The following AGBL4 variants were observed in gnomAD, a reference collection of about 807,000 sequenced individuals.
The protein encoded by AGBL4 is AGBL carboxypeptidase 4.
AGBL4 carries 58 observed loss-of-function variants against 66.4 expected under a neutral mutation model. That is an observed-to-expected ratio of 0.87 (90% confidence interval 0.71 to 1.09). The LOEUF is 1.09. Among genes scored for constraint, AGBL4 ranks in the 50% least tolerant of loss-of-function variants. The pLI is 0.00. For synonymous variants in AGBL4, 234 were observed against 222.9 expected (o/e 1.05, Z -0.44); for missense variants, 579 against 631.0 (o/e 0.92, Z 0.88).
chr1:50,020,054 A>C (rs1426644941), intron 1 of AGBL4, among the ~76,000 whole-genome samples: 1 of 152,010 alleles, frequency 6.6e-6, no homozygotes, highest in Non-Finnish European at 1.5e-5. Flanking sequence ...TACATATAAA[A>C]GCATGCTTAA....
At chr1:48,596,567 C>T (rs1274199432) in intron 9 of AGBL4, among the ~76,000 whole-genome samples, 2 of 151,996 alleles carry the variant, frequency 1.3e-5, no homozygotes, top group Non-Finnish European at 2.9e-5. Context: ...ATCAAATAAA[C>T]AAAATAATGC....
Position 49,875,128 on chromosome 1 carries a change from C to CT in AGBL4, c.35-23611dup, listed in dbSNP as rs200582254. On this transcript the variant is annotated intron_variant, in intron 1 of 13. Transcript: ENST00000371839. ...TACTAAGAATGATGATTTCCAATTT[C>CT]TTTTTTTTTATTATTACTATTATTA... 8.8e-3 allele frequency among the ~76,000 whole-genome samples: 1,250 copies of CT among 141,392 alleles called. 4 individuals carry two copies. The highest frequency in any genetic ancestry group is 0.014 in the South Asian group (59 of 4,278). The allele number at this position is 141,392 out of a possible 152,430, so 92.8% of individuals were successfully genotyped here. A position where few individuals can be genotyped will look rare whatever the true frequency, so the allele number is the denominator to read the frequency against.
At chr1:48,530,155 G>A (rs1039980206), downstream of AGBL4, among the ~76,000 whole-genome samples, 17 of 152,160 alleles carry the variant, frequency 1.1e-4, 1 homozygote, top group Admixed American at 5.9e-4. Flanking sequence ...TGGAAGGGGA[G>A]CAGTGTTTGA....
At chr1:48,844,301 C>T (rs1646866233) in intron 6 of AGBL4, among the ~76,000 whole-genome samples, 4 of 152,194 alleles carry the variant, frequency 2.6e-5, no homozygotes, top group African/African-American at 9.7e-5. Flanking sequence ...CATCTCTTCT[C>T]AGTCAAGCTT....
intron 3 of AGBL4, among the ~76,000 whole-genome samples, chr1:49,658,554 C>T (rs1426734853): frequency 2.6e-5 from 4 of 152,170 alleles, no homozygotes; most frequent in Admixed American, 2.6e-4. Flanking sequence ...AAGACACATG[C>T]ACACATATGT....
At chr1:48,842,213 T>C (rs910743115) in intron 6 of AGBL4, among the ~76,000 whole-genome samples, 4 of 152,176 alleles carry the variant, frequency 2.6e-5, no homozygotes, top group African/African-American at 7.2e-5. Context: ...TACCACCCCA[T>C]TTCCCATCAT....
chr1:48,819,494 G>A (rs1267607056), intron 6 of AGBL4, among the ~76,000 whole-genome samples: 2 of 152,112 alleles, frequency 1.3e-5, no homozygotes, highest in Non-Finnish European at 2.9e-5. Flanking sequence ...AGGTCTCTCC[G>A]GCTGCAGCAT....
At chr1:49,740,312 C>T (rs1343860365) in intron 2 of AGBL4, among the ~76,000 whole-genome samples, 2 of 152,104 alleles carry the variant, frequency 1.3e-5, no homozygotes, top group Non-Finnish European at 2.9e-5. Flanking sequence ...AAGGCCAGTA[C>T]ATAATGGAAA....
At chr1:48,757,379 A>G (rs115242778) in intron 6 of AGBL4, among the ~76,000 whole-genome samples, 192 of 152,346 alleles carry the variant, frequency 1.3e-3, no homozygotes, top group African/African-American at 4.4e-3. Flanking sequence ...TTAATAAAGA[A>G]CTTTACTAAC....
chr1:49,778,977 C>T (rs1457729130), intron 2 of AGBL4, among the ~76,000 whole-genome samples: 1 of 152,100 alleles, frequency 6.6e-6, no homozygotes, highest in Non-Finnish European at 1.5e-5. Flanking sequence ...TTAAAAGATG[C>T]TGCCAGCATG....
At chr1:48,608,336 A>G (rs1190152388) in intron 9 of AGBL4, among the ~76,000 whole-genome samples, 3 of 152,224 alleles carry the variant, frequency 2.0e-5, no homozygotes, top group Non-Finnish European at 4.4e-5. Context: ...GTAAAGAAGA[A>G]GGGATCTTCT....
At chr1:49,406,579 A>G (rs776713200) in intron 3 of AGBL4, among the ~76,000 whole-genome samples, 3 of 152,222 alleles carry the variant, frequency 2.0e-5, no homozygotes, top group Non-Finnish European at 4.4e-5. Context: ...AAATGTTTAT[A>G]CAATAATATG....
chr1:48,671,678 A>G (rs550657475), intron 6 of AGBL4, among the ~76,000 whole-genome samples: 1 of 152,350 alleles, frequency 6.6e-6, no homozygotes, highest in South Asian at 2.1e-4. Flanking sequence ...ACAGACACTG[A>G]GAGGTGACTT....
intron 3 of AGBL4, among the ~76,000 whole-genome samples, chr1:49,264,566 G>A (rs1453930836): frequency 2.0e-5 from 3 of 148,898 alleles, no homozygotes; most frequent in Non-Finnish European, 4.4e-5. Flanking sequence ...TTTTTTTTGA[G>A]ACGGAGTCTC....
At chr1:49,365,951 A>G (rs1292940528) in intron 3 of AGBL4, among the ~76,000 whole-genome samples, 1 of 152,154 alleles carries the variant, frequency 6.6e-6, no homozygotes, top group Non-Finnish European at 1.5e-5. Context: ...GCACTGAATG[A>G]GATAACAAAA....
At chr1:49,117,294 C>A (rs1277310087) in intron 4 of AGBL4, among the ~76,000 whole-genome samples, 1 of 152,142 alleles carries the variant, frequency 6.6e-6, no homozygotes, top group Non-Finnish European at 1.5e-5. Context: ...AGACCTTGCC[C>A]ATGCCTATGT....
At chr1:49,754,916 AC>A (rs1651778112) in intron 2 of AGBL4, among the ~76,000 whole-genome samples, 1 of 152,226 alleles carries the variant, frequency 6.6e-6, no homozygotes, top group Admixed American at 6.5e-5. Context: ...AAGGATGACC[AC>A]AGGCAGAATT....
chr1:49,729,957 G>C (rs546210344), intron 2 of AGBL4, among the ~76,000 whole-genome samples: 1 of 151,986 alleles, frequency 6.6e-6, no homozygotes, highest in African/African-American at 2.4e-5. Flanking sequence ...TCCATGACCC[G>C]AGTGAGAACT....
chr1:49,348,566 G>A (rs757605459), intron 3 of AGBL4, among the ~76,000 whole-genome samples: 2 of 152,252 alleles, frequency 1.3e-5, no homozygotes, highest in Non-Finnish European at 2.9e-5. Flanking sequence ...AGGAATTCTA[G>A]CTGCTACCAG....
Sources: allele counts gnomAD v4.1 joint callset (sites outside exome capture counted in the v4.1 genomes callset), GRCh38; gene constraint gnomAD v4.1.1; transcripts MANE v1.5; gene names NCBI Gene and HGNC (gene_info 2026-07-23, HGNC 2026-07-21).